SHISAL1: variants seen among roughly 807,000 people sequenced by gnomAD.
SHISAL1 encodes protein shisa-like-1.
SHISAL1 carries 9 observed loss-of-function variants against 22.6 expected under a neutral mutation model. That is an observed-to-expected ratio of 0.40 (90% CI 0.24 to 0.70). The LOEUF (loss-of-function observed/expected upper bound fraction) is 0.70, where lower values mean the gene tolerates loss of function less well. SHISAL1 is among the 30% of genes least tolerant of loss of function. The pLI, the probability that SHISAL1 is intolerant of heterozygous loss-of-function variation, is 0.39. For synonymous variants in SHISAL1, 119 were observed against 115.4 expected (o/e 1.03, Z -0.20); for missense variants, 246 against 270.6 (o/e 0.91, Z 0.64).
chr22:44,254,002 A>C lies in SHISAL1; in HGVS notation c.*-4317T>G, dbSNP rs528012218. The stretch of plus-strand genomic sequence containing the variant: ...CAATATACTAGAATTTGAAAATACT[A>C]ATAATGAAACCACAGACCAAACCAA... On this transcript the variant is annotated intron_variant, in intron 4 of 4. Transcript: ENST00000381176. 6.6e-5 allele frequency among the ~76,000 whole-genome samples: 10 copies of C among 152,336 alleles called. No individual in the cohort carries two copies. In the South Asian group the frequency reaches 2.1e-3, roughly 32 times the overall value.
upstream of SHISAL1, among the ~76,000 whole-genome samples, chr22:44,313,561 C>A (rs994692316): frequency 6.6e-6 from 1 of 152,176 alleles, no homozygotes; most frequent in Non-Finnish European, 1.5e-5. Flanking sequence ...AGGAACAGGG[C>A]GGGGGATGCC....
At position 44,269,013 on chromosome 22, in the gene SHISAL1, A is replaced by G. The variant is rs548114323; in HGVS notation, c.599+16415T>C. Among the ~76,000 whole-genome samples, 11 of 152,102 alleles carry G rather than the reference A, an allele frequency of 7.2e-5. No homozygotes were observed. The South Asian group carries it at 2.1e-3, about 29-fold the overall frequency. On this transcript the variant is annotated intron_variant, in intron 4 of 4. Transcript: ENST00000381176. ...GCTCCGACCTGACCAGCTTCCATGC[A>G]TTCTGCACTCCTGGCCTGTCCCTGA...
intron 3 of SHISAL1, among the ~76,000 whole-genome samples, chr22:44,296,157 C>CTCTTT (rs369362109): frequency 0.011 from 1,613 of 151,444 alleles, 32 homozygotes; most frequent in African/African-American, 0.036. Flanking sequence ...CCCTCCCTCC[C>CTCTTT]TCTTTTCTTT....
chr22:44,326,045 G>GT, the SHISAL1 span, among the ~76,000 whole-genome samples: 1 of 151,676 alleles, frequency 6.6e-6, no homozygotes, highest in African/African-American at 2.4e-5. Context: ...GCCCCTCCTC[G>GT]CCCCAGAACT....
chr22:44,289,967 G>C (rs2055341860), intron 3 of SHISAL1, among the ~76,000 whole-genome samples: 1 of 152,190 alleles, frequency 6.6e-6, no homozygotes, highest in Admixed American at 6.5e-5. Flanking sequence ...GATATTTACT[G>C]ATTCAAATTC....
the SHISAL1 span, among the ~76,000 whole-genome samples, chr22:44,329,132 G>A: frequency 6.6e-6 from 1 of 152,220 alleles, no homozygotes; most frequent in Admixed American, 6.5e-5. Context: ...AGCTCTGCTG[G>A]CTTGTCCAGG....
rs1158173032 is a variant in SHISAL1, at chr22:44,249,703, A to ACAAGGG, written c.*-19_*-18insCCCTTG. On this transcript the variant is annotated intron_variant, in intron 4 of 4. Transcript: ENST00000381176. ...AGCGTTTTCTGGAGGAAATACAAGG[A>ACAAGGG]AAAAAAGTATCACATGGTGTCTCCT... 8 of 765,378 alleles carry ACAAGGG rather than the reference A, an allele frequency of 1.0e-5. No individual in the cohort carries two copies. The Admixed American group carries it at 1.2e-4, about 11-fold the overall frequency. The allele number at this position is 765,378 out of a possible 1,614,324, so 47.4% of individuals were successfully genotyped here.
chr22:44,329,657 T>C, the SHISAL1 span, among the ~76,000 whole-genome samples: 1 of 152,160 alleles, frequency 6.6e-6, no homozygotes, highest in African/African-American at 2.4e-5. Context: ...TTCCTGGTCA[T>C]CTCTTGCCAG....
chr22:44,266,957 T>G (rs1251855371), intron 4 of SHISAL1, among the ~76,000 whole-genome samples: 1 of 152,036 alleles, frequency 6.6e-6, no homozygotes, highest in East Asian at 1.9e-4. Context: ...CCCAGCTATG[T>G]AAAAGGCAGG....
At chr22:44,299,435 T>G (rs2055410527) in intron 2 of SHISAL1, among the ~76,000 whole-genome samples, 1 of 152,322 alleles carries the variant, frequency 6.6e-6, no homozygotes, top group Non-Finnish European at 1.5e-5. Context: ...TAAAATGGGC[T>G]GAGTGGGTCC....
Position 44,249,639 on chromosome 22 carries a change from G to A in SHISAL1, c.*46C>T, listed in dbSNP as rs1601772026. The stretch of plus-strand genomic sequence containing the variant: ...GTTCTTCTCGGAGGCTGCACCGGGT[G>A]CTTCAGATCTCATCTCCCCCATCCT... On this transcript the variant is annotated 3_prime_UTR_variant, in exon 5 of 5. Transcript: ENST00000381176. 9.0e-6 allele frequency: 7 copies of A among 779,376 alleles called. No homozygotes were observed. The East Asian group carries it at 1.7e-4, about 19-fold the overall frequency. The allele number at this position is 779,376 out of a possible 1,614,324, so 48.3% of individuals were successfully genotyped here.
chr22:44,308,041 G>A (rs968928149), intron 1 of SHISAL1, among the ~76,000 whole-genome samples: 7 of 152,234 alleles, frequency 4.6e-5, no homozygotes, highest in Admixed American at 3.9e-4. Flanking sequence ...CTGCAGGACT[G>A]GGTCTAGGGC....
intron 4 of SHISAL1, among the ~76,000 whole-genome samples, chr22:44,255,140 C>A (rs1350918448): frequency 6.6e-6 from 1 of 152,122 alleles, no homozygotes; most frequent in African/African-American, 2.4e-5. Context: ...TCTACTCACT[C>A]ATGGATCTCT....
chr22:44,320,316 G>A, the SHISAL1 span, among the ~76,000 whole-genome samples: 3 of 152,178 alleles, frequency 2.0e-5, no homozygotes, highest in South Asian at 2.1e-4. Context: ...GAACCAACAG[G>A]GATGCTGCCC....
chr22:44,264,408 CTTTATGGGAGAGT>C (rs1320353376), intron 4 of SHISAL1, among the ~76,000 whole-genome samples: 1 of 152,152 alleles, frequency 6.6e-6, no homozygotes, highest in African/African-American at 2.4e-5. Flanking sequence ...TATGGGAGAG[CTTTATGGGAGAGT>C]TTGCTGAATA....
At chr22:44,320,171 C>T in the SHISAL1 span, among the ~76,000 whole-genome samples, 1 of 152,194 alleles carries the variant, frequency 6.6e-6, no homozygotes, top group African/African-American at 2.4e-5. Flanking sequence ...GACACCTTAA[C>T]CTTGGCATGG....
chr22:44,288,197 G>A (rs201241682), intron 3 of SHISAL1, among the ~76,000 whole-genome samples: 20 of 152,196 alleles, frequency 1.3e-4, no homozygotes, highest in East Asian at 3.8e-4. Flanking sequence ...ACTGAGGCTC[G>A]GTGGAATTAA....
intron 4 of SHISAL1, among the ~76,000 whole-genome samples, chr22:44,273,392 C>G (rs1228443654): frequency 6.6e-6 from 1 of 152,154 alleles, no homozygotes; most frequent in Non-Finnish European, 1.5e-5. Flanking sequence ...ATGCAAATAC[C>G]GTCACCGGCA....
intron 4 of SHISAL1, among the ~76,000 whole-genome samples, chr22:44,254,118 A>G (rs2055068484): frequency 6.6e-6 from 1 of 152,180 alleles, no homozygotes; most frequent in Admixed American, 6.5e-5. Context: ...ATAACAAAAT[A>G]TATATTTAAG....
Sources: gnomAD v4.1 joint callset for allele counts (sites outside exome capture counted in the v4.1 genomes callset) on GRCh38, gnomAD v4.1.1 for gene constraint, MANE v1.5 for transcripts, NCBI Gene and HGNC (gene_info 2026-07-23, HGNC 2026-07-21) for gene names.